Variants in CBL observed in about 807,000 individuals in gnomAD.
CBL encodes the protein E3 ubiquitin-protein ligase CBL.
In CBL, 45 loss-of-function variants were observed where a neutral mutation model predicts 96.9. The observed-to-expected ratio is 0.46, with a 90% CI of 0.37 to 0.60. CBL has a LOEUF of 0.60. Among genes scored for constraint, CBL ranks in the 20% least tolerant of loss-of-function variants. The pLI is 0.00. For missense variants in CBL, 1,024 were observed against 1,143.5 expected (o/e 0.90, Z 1.51); for synonymous variants, 420 against 426.8 (o/e 0.98, Z 0.20).
rs373738394 is a variant in CBL, at chr11:119,277,847, G to A, written c.1095+3G>A. ...AAGACCATATCAAAGTGACCCAGGT[G>A]AGTTTTGTTTCACATGATAACCATA... On this transcript the variant is annotated splice_donor_region_variant and intron_variant, in intron 7 of 15. Coordinates refer to ENST00000264033, the MANE Select transcript of CBL (RefSeq NM_005188.4). 5.6e-6 allele frequency: 9 copies of A among 1,603,998 alleles called. No homozygotes were observed. In the African/African-American group the frequency reaches 1.2e-4, roughly 21 times the overall value.
intron 1 of CBL, among the ~76,000 whole-genome samples, chr11:119,231,465 C>T (rs1345651407): frequency 2.0e-5 from 3 of 151,614 alleles, no homozygotes; most frequent in Non-Finnish European, 2.9e-5. Flanking sequence ...AATCCCAGCA[C>T]TTTGGGAGGC....
At chr11:119,269,318 C>G (rs1415431349) in intron 2 of CBL, among the ~76,000 whole-genome samples, 2 of 147,048 alleles carry the variant, frequency 1.4e-5, no homozygotes, top group Non-Finnish European at 3.0e-5. Context: ...GCAATCTCAG[C>G]TCACTGCAAC....
chr11:119,296,751 A>G (rs902287415), intron 12 of CBL, among the ~76,000 whole-genome samples, 167 bp from the exon 13 acceptor site: 1 of 152,182 alleles, frequency 6.6e-6, no homozygotes, highest in Admixed American at 6.5e-5. Flanking sequence ...TAGTTAGTGT[A>G]CTTTTGCTAA....
At chr11:119,215,595 G>T (rs923523496) in intron 1 of CBL, among the ~76,000 whole-genome samples, 2 of 151,806 alleles carry the variant, frequency 1.3e-5, no homozygotes, top group African/African-American at 4.8e-5. Flanking sequence ...AAACCCGCCC[G>T]GGAGGGTGGA....
At chr11:119,253,322 T>A (rs2135281716) in intron 2 of CBL, among the ~76,000 whole-genome samples, 1 of 151,010 alleles carries the variant, frequency 6.6e-6, no homozygotes, top group East Asian at 2.0e-4. Flanking sequence ...GGTATTTGAT[T>A]AAAAGAAAAT....
At chr11:119,275,058 G>A in intron 5 of CBL, 105 bp downstream of exon 5, 1 of 1,171,822 alleles carries the variant, frequency 8.5e-7, no homozygotes, top group East Asian at 2.4e-5. Context: ...CAATAGCCAA[G>A]GTTCTGCAAT....
intron 1 of CBL, among the ~76,000 whole-genome samples, chr11:119,228,855 G>C (rs1235883875): frequency 2.0e-5 from 3 of 151,198 alleles, no homozygotes; most frequent in Non-Finnish European, 4.4e-5. Flanking sequence ...TTGTCCCCCA[G>C]GCTGGAGTGC....
rs1015058880 is a variant in CBL at position 119,305,714 on chromosome 11, G to C, written c.*5933G>C. 4.4e-6 allele frequency: 1 copy of C among 225,292 alleles called. No individual in the cohort carries two copies. Among genetic ancestry groups the C allele is most frequent in the Admixed American group, 5.7e-5 (1 of 17,430 alleles). The allele number at this position is 225,292 out of a possible 1,614,324, so 14.0% of individuals were successfully genotyped here. On this transcript the variant is annotated 3_prime_UTR_variant, in exon 16 of 16. Coordinates refer to ENST00000264033, the MANE Select transcript of CBL (RefSeq NM_005188.4). ...AGACAGTATACCTGTGTCTTCTCTG[G>C]CAATTGCTTTCATTTTAGTCCTATA...
intron 2 of CBL, among the ~76,000 whole-genome samples, chr11:119,243,034 T>A (rs533925415): frequency 1.3e-5 from 2 of 151,994 alleles, no homozygotes; most frequent in Non-Finnish European, 1.5e-5. Context: ...TCCCAGCACT[T>A]TGGGAGGCTG....
intron 2 of CBL, among the ~76,000 whole-genome samples, chr11:119,256,748 C>T (rs929028007): frequency 6.7e-6 from 1 of 149,962 alleles, no homozygotes; most frequent in Non-Finnish European, 1.5e-5. Flanking sequence ...TCTCTAAAGT[C>T]CATTATACCA....
At chr11:119,268,977 A>G (rs1225375916) in intron 2 of CBL, among the ~76,000 whole-genome samples, 1 of 152,162 alleles carries the variant, frequency 6.6e-6, no homozygotes, top group African/African-American at 2.4e-5. Context: ...TACTTGACAG[A>G]ATGTTATGTA....
chr11:119,229,682 T>C (rs1949486508), intron 1 of CBL, among the ~76,000 whole-genome samples: 1 of 151,830 alleles, frequency 6.6e-6, no homozygotes, highest in African/African-American at 2.4e-5. Flanking sequence ...TTGAGAATGA[T>C]GTATTTAGTT....
chr11:119,281,671 G>A (rs1029100770), intron 9 of CBL, among the ~76,000 whole-genome samples: 1 of 151,214 alleles, frequency 6.6e-6, no homozygotes, highest in African/African-American at 2.4e-5. Context: ...ATTTTTTTTT[G>A]TATTTTTAGT....
chr11:119,275,933 T>C, intron 5 of CBL, 64 bp from the exon 6 acceptor site: 11 of 1,441,604 alleles, frequency 7.6e-6, no homozygotes, highest in Non-Finnish European at 1.1e-5. Context: ...GTCTGTATCT[T>C]GCCTTGCCTT....
intron 2 of CBL, among the ~76,000 whole-genome samples, chr11:119,257,529 T>C (rs1016960092): frequency 6.6e-6 from 1 of 152,202 alleles, no homozygotes; most frequent in Non-Finnish European, 1.5e-5. Context: ...GTTGGATGCA[T>C]TGCTTGCATG....
intron 2 of CBL, among the ~76,000 whole-genome samples, chr11:119,254,815 T>A (rs1192259607): frequency 6.6e-6 from 1 of 152,170 alleles, no homozygotes; most frequent in Admixed American, 6.5e-5. Flanking sequence ...TTGGCCAGGC[T>A]GGTCTGAAAC....
intron 2 of CBL, among the ~76,000 whole-genome samples, chr11:119,268,634 T>C (rs1307888222): frequency 6.6e-6 from 1 of 152,096 alleles, no homozygotes; most frequent in Non-Finnish European, 1.5e-5. Context: ...GCCCTGAGAT[T>C]GCAAAGGAAC....
chr11:119,278,181 T>G lies in CBL; in HGVS notation c.1111T>G (p.Tyr371Asp), dbSNP rs267606706. ...TTAATCAAAGGAACAATATGAATTA[T>G]ACTGTGAGATGGGCTCCACATTCCA... ...IKVTQEQYEL[Y>D]CEMGSTFQLC... The change falls in exon 8 of 16, where the codon TAC becomes GAC. Residue 371 changes from tyrosine to aspartate, a missense_variant. Physicochemically the swap from Tyr to Asp is radical, Grantham distance 160. Transcript: ENST00000264033. The G allele has an allele frequency of 6.2e-7, 1 of 1,602,366 alleles. No individual in the cohort carries two copies. Among genetic ancestry groups the G allele is most frequent in the Non-Finnish European group, 8.6e-7 (1 of 1,169,258 alleles).
At chr11:119,285,854 C>T (rs1422798431) in intron 11 of CBL, among the ~76,000 whole-genome samples, 1 of 151,554 alleles carries the variant, frequency 6.6e-6, no homozygotes, top group Admixed American at 6.6e-5. Flanking sequence ...CATGATGGCG[C>T]CACTGCACTC....
Sources: allele counts gnomAD v4.1 joint callset (sites outside exome capture counted in the v4.1 genomes callset), GRCh38; gene constraint gnomAD v4.1.1; transcripts MANE v1.5; gene names NCBI Gene and HGNC (gene_info 2026-07-23, HGNC 2026-07-21).